The following KLHL2 variants were observed in gnomAD, a reference collection of about 807,000 sequenced individuals.
KLHL2 encodes kelch like family member 2, also known as kelch-like protein 2.
In KLHL2, 15 loss-of-function variants were observed where a neutral mutation model predicts 75.8. That is an observed-to-expected ratio of 0.20 (90% confidence interval 0.13 to 0.30). KLHL2 has a LOEUF of 0.30. Ranked by LOEUF, KLHL2 falls within the 10% of genes least tolerant of loss-of-function variation. The pLI, the probability that KLHL2 is intolerant of heterozygous loss-of-function variation, is 1.00. For missense variants in KLHL2, 381 were observed against 741.0 expected (o/e 0.51, Z 5.64); for synonymous variants, 214 against 251.9 (o/e 0.85, Z 1.42).
At chr4:165,318,442 A>G (rs888426431) in intron 14 of KLHL2, among the ~76,000 whole-genome samples, 1 of 152,200 alleles carries the variant, frequency 6.6e-6, no homozygotes, top group African/African-American at 2.4e-5. Context: ...GATAAATGTT[A>G]ATTTTAATAA....
intron 13 of KLHL2, among the ~76,000 whole-genome samples, chr4:165,315,077 T>C (rs1746492910): frequency 6.6e-6 from 1 of 152,168 alleles, no homozygotes; most frequent in African/African-American, 2.4e-5. Flanking sequence ...CAGTTGTATA[T>C]GGTAATCAGT....
chr4:165,208,286 A>G (rs958258951), intron 1 of KLHL2, among the ~76,000 whole-genome samples: 46 of 152,266 alleles, frequency 3.0e-4, no homozygotes, highest in African/African-American at 1.0e-3. Context: ...GTCCGTTGAA[A>G]AAAGGAAACT....
intron 13 of KLHL2, among the ~76,000 whole-genome samples, chr4:165,314,415 T>G: frequency 6.6e-6 from 1 of 152,222 alleles, no homozygotes; most frequent in Non-Finnish European, 1.5e-5. Flanking sequence ...TACTAGCTGC[T>G]ACTTTTTGGT....
intron 3 of KLHL2, among the ~76,000 whole-genome samples, chr4:165,235,729 C>T (rs1450727009): frequency 1.3e-5 from 2 of 151,648 alleles, no homozygotes; most frequent in Non-Finnish European, 2.9e-5. Flanking sequence ...GTACCTAATC[C>T]AGCCATGGGC....
chr4:165,256,542 A>G (rs1741187237), intron 4 of KLHL2, among the ~76,000 whole-genome samples: 1 of 152,168 alleles, frequency 6.6e-6, no homozygotes, highest in Non-Finnish European at 1.5e-5. Flanking sequence ...AAGTGAGGCA[A>G]TCTCTAGTGA....
At chr4:165,252,459 T>C (rs921325738) in intron 4 of KLHL2, 17 of 152,134 alleles carry the variant, frequency 1.1e-4, no homozygotes, top group Non-Finnish European at 4.4e-5. Context: ...TATTATTACC[T>C]CTTGGACCTT....
chr4:165,254,700 A>G (rs1251089729), intron 4 of KLHL2, among the ~76,000 whole-genome samples: 6 of 152,250 alleles, frequency 3.9e-5, no homozygotes, highest in Non-Finnish European at 5.9e-5. Context: ...TATTGTAGTT[A>G]TAAAATGCAC....
chr4:165,221,667 A>G (rs1325375329), intron 2 of KLHL2, among the ~76,000 whole-genome samples: 1 of 152,210 alleles, frequency 6.6e-6, no homozygotes, highest in African/African-American at 2.4e-5. Context: ...TTTTGAACAC[A>G]CTGGCTGCTG....
At chr4:165,263,429 C>T (rs1358038964) in intron 5 of KLHL2, 70 bp downstream of exon 5, 47 of 1,578,076 alleles carry the variant, frequency 3.0e-5, no homozygotes, top group Non-Finnish European at 4.0e-5. Flanking sequence ...CCACAGTGGT[C>T]TCTGGAAAGT....
intron 2 of KLHL2, among the ~76,000 whole-genome samples, chr4:165,224,963 T>C (rs1188073815): frequency 1.3e-5 from 2 of 152,226 alleles, no homozygotes; most frequent in Non-Finnish European, 2.9e-5. Flanking sequence ...CCGTGCATTT[T>C]AAAAGCAGTG....
intron 3 of KLHL2, among the ~76,000 whole-genome samples, chr4:165,230,722 G>A (rs1738816019): frequency 6.6e-6 from 1 of 152,172 alleles, no homozygotes; most frequent in Non-Finnish European, 1.5e-5. Flanking sequence ...GACATCCAGT[G>A]AAATGGATGC....
chr4:165,232,512 C>T (rs1738980080), intron 3 of KLHL2, among the ~76,000 whole-genome samples: 1 of 151,812 alleles, frequency 6.6e-6, no homozygotes, highest in South Asian at 2.1e-4. Context: ...GGCAGAATTG[C>T]TTGAGCCCAT....
chr4:165,288,676 A>G (rs780163623), intron 5 of KLHL2, among the ~76,000 whole-genome samples: 1 of 152,188 alleles, frequency 6.6e-6, no homozygotes, highest in Non-Finnish European at 1.5e-5. Context: ...TGTTAAAAGC[A>G]GTGCTACAGT....
rs189118278 is a variant in KLHL2, at chr4:165,251,900, C to T, written c.382-11297C>T. Among the ~76,000 whole-genome samples the T allele has an allele frequency of 4.2e-3, 635 of 152,200 alleles. 2 individuals are homozygous for T. Among genetic ancestry groups the T allele is most frequent in the Non-Finnish European group, 7.1e-3 (481 of 67,992 alleles). Reference sequence around the variant, plus strand: ...CTGGGATTACAGGCGTGAGCCACCGCGCCCGGCCCCAAAGTGGTTTTTAAA... The same window carrying T: ...CTGGGATTACAGGCGTGAGCCACCGTGCCCGGCCCCAAAGTGGTTTTTAAA... On this transcript the variant is annotated intron_variant, in intron 4 of 14. Transcript: ENST00000226725.
chr4:165,263,805 G>GTTTTTTT (rs55901119), intron 5 of KLHL2, among the ~76,000 whole-genome samples: 6 of 66,506 alleles, frequency 9.0e-5, no homozygotes, highest in Non-Finnish European at 1.6e-4. Context: ...TTTTTACATT[G>GTTTTTTT]TTTTTTTTTT....
intron 5 of KLHL2, among the ~76,000 whole-genome samples, chr4:165,268,550 CT>C (rs1235080105): frequency 1.3e-5 from 2 of 152,200 alleles, no homozygotes; most frequent in African/African-American, 4.8e-5. Flanking sequence ...ATCTTTATTT[CT>C]GCCTTCATTT....
intron 3 of KLHL2, 61 bp downstream of exon 3, chr4:165,228,974 C>G: frequency 1.0e-6 from 1 of 953,194 alleles, no homozygotes; most frequent in Non-Finnish European, 1.6e-6. Flanking sequence ...GCTTTTCTTA[C>G]CACATTTTCT....
At chr4:165,229,770 G>A (rs1469727212) in intron 3 of KLHL2, among the ~76,000 whole-genome samples, 6 of 152,208 alleles carry the variant, frequency 3.9e-5, no homozygotes, top group East Asian at 1.9e-4. Context: ...GTGGTCAGAC[G>A]TTGACGGCTG....
intron 9 of KLHL2, among the ~76,000 whole-genome samples, chr4:165,306,574 A>G (rs749491060): frequency 1.3e-5 from 2 of 152,246 alleles, no homozygotes; most frequent in Non-Finnish European, 2.9e-5. Flanking sequence ...TAACAGTAAA[A>G]TATGAAGGTG....
Sources: gnomAD v4.1 joint callset for allele counts (sites outside exome capture counted in the v4.1 genomes callset) on GRCh38, gnomAD v4.1.1 for gene constraint, MANE v1.5 for transcripts, NCBI Gene and HGNC (gene_info 2026-07-23, HGNC 2026-07-21) for gene names.